The following BRK1 variants were observed in gnomAD, a reference collection of about 807,000 sequenced individuals.
The protein encoded by BRK1 is BRICK1 subunit of SCAR/WAVE actin nucleating complex.
A neutral mutation model predicts 9.9 loss-of-function variants in BRK1; 6 were observed. The ratio of observed to expected loss-of-function variants is 0.60; its 90% CI spans 0.33 to 1.19. The LOEUF (loss-of-function observed/expected upper bound fraction) is 1.19, where lower values mean the gene tolerates loss of function less well. Among genes scored for constraint, BRK1 ranks in the 50% most tolerant of loss-of-function variants. BRK1 has a pLI of 0.04. For missense variants in BRK1, 62 were observed against 97.5 expected (o/e 0.64, Z 1.53); for synonymous variants, 44 against 31.9 (o/e 1.38, Z -1.28).
In BRK1 at chr3:10,125,581, T is replaced by C. The variant is rs1695828627; in HGVS notation, c.119-45T>C. The C allele has an allele frequency of 3.3e-6, 4 of 1,204,876 alleles. No individual in the cohort carries two copies. The Admixed American group carries it at 5.8e-5, about 18-fold the overall frequency. The allele number at this position is 1,204,876 out of a possible 1,614,324, so 74.6% of individuals were successfully genotyped here. A position where few individuals can be genotyped will look rare whatever the true frequency, so the allele number is the denominator to read the frequency against. ...TAGGTGTTGTGTGTGTCTGTGTCTG[T>C]GTTTGGAGTGACATTAATCCTGAAC... On this transcript the variant is annotated intron_variant, in intron 1 of 2. Coordinates refer to ENST00000530758, the MANE Select transcript of BRK1 (RefSeq NM_018462.5).
At chr3:10,123,669 C>T (rs1244011613) in intron 1 of BRK1, among the ~76,000 whole-genome samples, 55 of 135,242 alleles carry the variant, frequency 4.1e-4, no homozygotes, top group African/African-American at 1.3e-3. Context: ...CTCCTGACCT[C>T]GTGATCCACT....
rs575243912 is a variant in BRK1, at chr3:10,124,379, G to C, written c.119-1247G>C. Among the ~76,000 whole-genome samples the C allele has an allele frequency of 2.2e-4, 34 of 151,850 alleles. No homozygotes were observed. In the South Asian group the frequency reaches 6.6e-3, roughly 30 times the overall value. ...GGAGGCTGAGGCAGGAGAATCGCTT[G>C]AACCCGGGAGGCAGAGGTGGCAGTG... On this transcript the variant is annotated intron_variant, in intron 1 of 2. Coordinates refer to ENST00000530758, the MANE Select transcript of BRK1 (RefSeq NM_018462.5).
intron 1 of BRK1, among the ~76,000 whole-genome samples, chr3:10,123,732 CTTTTTT>C (rs71626962): frequency 4.1e-5 from 2 of 48,672 alleles, no homozygotes; most frequent in Admixed American, 3.3e-4. Context: ...CGTGCCTGGC[CTTTTTT>C]TTTTTTTTTT....
intron 1 of BRK1, 51 bp downstream of exon 1, chr3:10,115,870 T>C (rs1371332506): frequency 1.4e-6 from 2 of 1,481,244 alleles, no homozygotes; most frequent in African/African-American, 2.8e-5. Context: ...GCTGAGGTGG[T>C]TGGGCTGGGG....
intron 1 of BRK1, among the ~76,000 whole-genome samples, chr3:10,117,393 CTT>C (rs756307171): frequency 4.5e-4 from 53 of 118,586 alleles, no homozygotes; most frequent in African/African-American, 8.1e-4. Flanking sequence ...TCAACAAATT[CTT>C]TTTTTTTTTT....
At position 10,126,412 on chromosome 3, in the gene BRK1, T is replaced by C. The variant is rs932447364; in HGVS notation, c.*117T>C. On this transcript the variant is annotated 3_prime_UTR_variant, in exon 3 of 3. Coordinates refer to ENST00000530758, the MANE Select transcript of BRK1 (RefSeq NM_018462.5). Reference sequence around the variant, plus strand: ...TAAAGAGCAACAGGGCTTATTCTTGTTTTTCTTTTTTCAAAAGTGTGGCCT... The same window carrying C: ...TAAAGAGCAACAGGGCTTATTCTTGCTTTTCTTTTTTCAAAAGTGTGGCCT... The C allele has an allele frequency of 2.1e-6, 2 of 949,296 alleles. No homozygotes were observed. Among genetic ancestry groups the C allele is most frequent in the Non-Finnish European group, 3.2e-6 (2 of 629,288 alleles). The allele number at this position is 949,296 out of a possible 1,614,324, so 58.8% of individuals were successfully genotyped here.
At chr3:10,126,121 T>C (rs1285808183) in intron 2 of BRK1, 148 bp from the exon 3 acceptor site, 2 of 581,104 alleles carry the variant, frequency 3.4e-6, no homozygotes, top group East Asian at 6.2e-5. Context: ...AAGTTAAGCA[T>C]GTTGCCTGGA....
chr3:10,126,344 C>T lies in BRK1; in HGVS notation c.*49C>T, dbSNP rs908201804. The T allele has an allele frequency of 3.9e-6, 6 of 1,533,558 alleles. No individual in the cohort carries two copies. In the African/African-American group the frequency reaches 8.2e-5, roughly 21 times the overall value. 95.0% of individuals were successfully genotyped at this position (1,533,558 alleles called of 1,614,324 possible). On this transcript the variant is annotated 3_prime_UTR_variant, in exon 3 of 3. Coordinates refer to ENST00000530758, the MANE Select transcript of BRK1 (RefSeq NM_018462.5). ...AAGTTGCTTTACACAACACAGGCCA[C>T]ATGGGAAAGGCCCCAGCAGCCTTCA...
intron 2 of BRK1, 71 bp downstream of exon 2, chr3:10,125,779 G>A: frequency 8.6e-7 from 1 of 1,157,430 alleles, no homozygotes; most frequent in Non-Finnish European, 1.3e-6. Context: ...AAACCTGAAA[G>A]CAGAAACAGT....
intron 1 of BRK1, among the ~76,000 whole-genome samples, chr3:10,123,824 C>T: frequency 6.8e-6 from 1 of 147,882 alleles, no homozygotes; most frequent in Non-Finnish European, 1.5e-5. Flanking sequence ...CAACCTCCGC[C>T]TCCCAGGTTC....
intron 1 of BRK1, among the ~76,000 whole-genome samples, chr3:10,119,038 G>A (rs1443252940): frequency 6.7e-6 from 1 of 149,778 alleles, no homozygotes; most frequent in Non-Finnish European, 1.5e-5. Flanking sequence ...TTGAGACGGA[G>A]TCTTGTTCTG....
chr3:10,125,880 C>T (rs539940424), intron 2 of BRK1, among the ~76,000 whole-genome samples, 172 bp downstream of exon 2: 2 of 152,208 alleles, frequency 1.3e-5, no homozygotes, highest in East Asian at 3.9e-4. Context: ...CACTTGAGGT[C>T]AGGAGTTCGA....
At chr3:10,124,619 T>C (rs1695811931) in intron 1 of BRK1, among the ~76,000 whole-genome samples, 1 of 152,168 alleles carries the variant, frequency 6.6e-6, no homozygotes, top group Non-Finnish European at 1.5e-5. Context: ...TCTGAAGTAT[T>C]AGGATTACAG....
At chr3:10,125,534 G>A in intron 1 of BRK1, 92 bp from the exon 2 acceptor site, 1 of 756,802 alleles carries the variant, frequency 1.3e-6, no homozygotes. Context: ...TGTATTCTGT[G>A]TATTATTCCT....
chr3:10,125,193 C>G (rs1001951626), intron 1 of BRK1, among the ~76,000 whole-genome samples: 2 of 151,640 alleles, frequency 1.3e-5, no homozygotes, highest in Admixed American at 1.3e-4. Flanking sequence ...ACCTTTGCCC[C>G]CCCCGGTTCA....
At chr3:10,116,099 C>T (rs539014657) in intron 1 of BRK1, among the ~76,000 whole-genome samples, 102 of 152,306 alleles carry the variant, frequency 6.7e-4, no homozygotes, top group Middle Eastern at 3.4e-3. Context: ...GCAGCCCCAT[C>T]CTCGCTCCGT....
chr3:10,126,289 C>A lies in BRK1; in HGVS notation c.222C>A (p.Leu74=). ...CACAGGTGACAAAAGGTGAGACACT[C>A]ACCTAGAACAGTGCCGTGCTGCTGC... ...IEARVTKGET[L]T The change falls in exon 3 of 3, where the codon CTC becomes CTA. Residue 74 remains leucine (L), a synonymous_variant. Coordinates refer to ENST00000530758, the MANE Select transcript of BRK1 (RefSeq NM_018462.5). 1 of 1,575,002 alleles carries A rather than the reference C, an allele frequency of 6.3e-7. No individual in the cohort carries two copies. Among genetic ancestry groups the A allele is most frequent in the East Asian group, 2.3e-5 (1 of 43,180 alleles).
In BRK1 at chr3:10,115,823, A is replaced by G; in HGVS notation, c.118+4A>G. 1 of 1,612,086 alleles carries G rather than the reference A, an allele frequency of 6.2e-7. No homozygotes were observed. The highest frequency in any genetic ancestry group is 1.7e-5 in the Admixed American group (1 of 60,014). ...GCAGACTTTCTCAACTCGTTCGGTC[A>G]GCGGGCCAGCAAGGGGAGGCGGGGA... On this transcript the variant is annotated splice_donor_region_variant and intron_variant, in intron 1 of 2. Coordinates refer to ENST00000530758, the MANE Select transcript of BRK1 (RefSeq NM_018462.5).
chr3:10,123,643 C>T (rs1392973826), intron 1 of BRK1, among the ~76,000 whole-genome samples: 1,873 of 141,724 alleles, frequency 0.013, 31 homozygotes, highest in Middle Eastern at 0.019. Context: ...ATTGTGTTAG[C>T]CAGGATGGTC....
Sources: allele counts gnomAD v4.1 joint callset (sites outside exome capture counted in the v4.1 genomes callset), GRCh38; gene constraint gnomAD v4.1.1; transcripts MANE v1.5; gene names NCBI Gene and HGNC (gene_info 2026-07-23, HGNC 2026-07-21).